The following LAMC2 variants were observed in gnomAD, a reference collection of about 807,000 sequenced individuals.
LAMC2 encodes the protein laminin subunit gamma-2.
In LAMC2, 97 loss-of-function variants were observed where a neutral mutation model predicts 140.2. The observed-to-expected ratio is 0.69, with a 90% confidence interval of 0.59 to 0.82. LAMC2 has a LOEUF of 0.82. Ranked by LOEUF, LAMC2 falls within the 40% of genes least tolerant of loss-of-function variation. The pLI, the probability that LAMC2 is intolerant of heterozygous loss-of-function variation, is 0.00. For synonymous variants in LAMC2, 513 were observed against 540.2 expected (o/e 0.95, Z 0.70); for missense variants, 1,402 against 1,476.1 (o/e 0.95, Z 0.82).
intron 1 of LAMC2, among the ~76,000 whole-genome samples, chr1:183,189,339 C>T (rs1234425772): frequency 6.6e-6 from 1 of 152,110 alleles, no homozygotes; most frequent in Non-Finnish European, 1.5e-5. Flanking sequence ...CCTATAATCC[C>T]AGCACTTTGG....
At chr1:183,234,574 T>C in intron 15 of LAMC2, 128 bp downstream of exon 15, 1 of 796,614 alleles carries the variant, frequency 1.3e-6, no homozygotes, top group East Asian at 2.7e-5. Context: ...AGCCATTCCC[T>C]ACCTTGAAAC....
chr1:183,253,978 A>C, the LAMC2 span, among the ~76,000 whole-genome samples: 55 of 151,434 alleles, frequency 3.6e-4, no homozygotes, highest in African/African-American at 1.3e-3. Context: ...TTCTTTATCT[A>C]TTCATCCATT....
downstream of LAMC2, chr1:183,249,299 A>T (rs1254518947): frequency 6.6e-6 from 1 of 152,228 alleles, no homozygotes; most frequent in Non-Finnish European, 1.5e-5. Flanking sequence ...GCCCTCCCAG[A>T]GGACCATTCC....
chr1:183,256,148 G>A, the LAMC2 span, among the ~76,000 whole-genome samples: 4 of 152,030 alleles, frequency 2.6e-5, no homozygotes, highest in African/African-American at 7.2e-5. Context: ...TGGCTCACGC[G>A]TGTAATCCCA....
At chr1:183,197,273 T>TG (rs1460764461) in intron 1 of LAMC2, among the ~76,000 whole-genome samples, 30 of 152,336 alleles carry the variant, frequency 2.0e-4, no homozygotes, top group African/African-American at 7.2e-4. Flanking sequence ...GTGAGAAAGA[T>TG]GGAGAACCTG....
At chr1:183,195,308 A>G (rs1015769665) in intron 1 of LAMC2, among the ~76,000 whole-genome samples, 2 of 152,118 alleles carry the variant, frequency 1.3e-5, no homozygotes, top group African/African-American at 4.8e-5. Context: ...GCTGTGATAT[A>G]ATGTACTATG....
chr1:183,251,383 T>A, the LAMC2 span: 1 of 152,250 alleles, frequency 6.6e-6, no homozygotes, highest in South Asian at 2.1e-4. Flanking sequence ...GGGCAACAAA[T>A]TGCTTTCTCC....
intron 2 of LAMC2, among the ~76,000 whole-genome samples, chr1:183,212,404 G>A (rs966902734): frequency 6.6e-6 from 1 of 151,940 alleles, no homozygotes; most frequent in Non-Finnish European, 1.5e-5. Flanking sequence ...TTATTTAAAA[G>A]CTCTCTTGCC....
intron 14 of LAMC2, among the ~76,000 whole-genome samples, chr1:183,233,778 T>C (rs1659866024): frequency 6.6e-6 from 1 of 151,878 alleles, no homozygotes; most frequent in Non-Finnish European, 1.5e-5. Context: ...TTATTTTACT[T>C]TGTTGTTGTT....
In LAMC2 at chr1:183,235,639, G is replaced by A. The variant is rs754131247; in HGVS notation, c.2365G>A (p.Ala789Thr). ...TRETEDYSKQ[A>T]LSLVRKALHE... ...GGAAACTGAGGACTATTCCAAACAA[G>A]CCCTCTCACTGGTGCGCAAGGCCCT... The change falls in exon 16 of 23, where the codon GCC becomes ACC. Residue 789 changes from alanine (A) to threonine (T), a missense_variant. Ala to Thr is a moderately conservative substitution (Grantham distance 58, BLOSUM62 0). Transcript: ENST00000264144. 1.9e-6 allele frequency: 3 copies of A among 1,614,104 alleles called. No individual in the cohort carries two copies. Among genetic ancestry groups the A allele is most frequent in the African/African-American group, 2.7e-5 (2 of 74,924 alleles).
intron 14 of LAMC2, among the ~76,000 whole-genome samples, chr1:183,233,874 T>C (rs1296899071): frequency 6.6e-6 from 1 of 151,778 alleles, no homozygotes; most frequent in Non-Finnish European, 1.5e-5. Context: ...CTCTTGTCTA[T>C]ACATACTTTT....
chr1:183,194,274 A>G (rs1412638058), intron 1 of LAMC2, among the ~76,000 whole-genome samples: 1 of 151,586 alleles, frequency 6.6e-6, no homozygotes, highest in East Asian at 1.9e-4. Flanking sequence ...AAAATCTGTA[A>G]GTAAGATGCT....
intron 14 of LAMC2, among the ~76,000 whole-genome samples, chr1:183,233,468 A>G (rs951502448): frequency 6.6e-6 from 1 of 152,212 alleles, no homozygotes; most frequent in Admixed American, 6.5e-5. Flanking sequence ...ATTTCTGAAT[A>G]AAGAAGGTTA....
Position 183,223,309 on chromosome 1 carries a change from A to T in LAMC2, c.938A>T (p.Lys313Met), listed in dbSNP as rs768864792. ...LGKTLPCGLT[K>M]TYTFRLNEHP... ...AAGACACTGCCTTGTGGGCTCACCA[A>T]GACTTACACATTCAGGTAAAAAGAG... The change falls in exon 7 of 23, where the codon AAG becomes ATG. Residue 313 changes from lysine (K) to methionine (M), a missense_variant. By Grantham distance (95) the Lys-to-Met change is moderately conservative (BLOSUM62 -1). Coordinates refer to ENST00000264144, the MANE Select transcript of LAMC2 (RefSeq NM_005562.3). The T allele has an allele frequency of 3.7e-5, 59 of 1,614,106 alleles. No homozygotes were observed. The highest frequency in any genetic ancestry group is 4.6e-5 in the Non-Finnish European group (54 of 1,180,046).
rs776761345 is a variant in LAMC2, at chr1:183,239,475, A to G, written c.2981A>G (p.Glu994Gly). The G allele has an allele frequency of 8.7e-6, 14 of 1,614,020 alleles. No homozygotes were observed. The highest frequency in any genetic ancestry group is 1.7e-5 in the Admixed American group (1 of 59,992). ...GCCAGTGACAAGACCCAGCAAGCAG[A>G]AAGAGCCCTGGGGAGCGCTGCTGCT... ...SDASDKTQQA[E>G]RALGSAAADA... Residue 994 changes from glutamate (E) to glycine (G), a missense_variant, in exon 20 of 23, where the codon GAA becomes GGA. Coordinates refer to ENST00000264144, the MANE Select transcript of LAMC2 (RefSeq NM_005562.3).
rs1658777191 is a variant in LAMC2 at position 183,203,225 on chromosome 1, G to T, written c.80-4656G>T. ...ATGTTGACTACAACAGGCATCAATT[G>T]CATGTGGCTGCAACTGGCAGGGGGT... On this transcript the variant is annotated intron_variant, in intron 1 of 22. Transcript: ENST00000264144. 2.6e-5 allele frequency among the ~76,000 whole-genome samples: 4 copies of T among 152,166 alleles called. No homozygotes were observed. In the South Asian group the frequency reaches 8.3e-4, roughly 31 times the overall value.
intron 12 of LAMC2, among the ~76,000 whole-genome samples, chr1:183,231,833 C>A (rs945739884): frequency 3.9e-5 from 6 of 152,216 alleles, no homozygotes; most frequent in Non-Finnish European, 5.9e-5. Context: ...AGGCACTGTT[C>A]TCTTGTCTCT....
At chr1:183,201,411 C>T (rs1658702785) in intron 1 of LAMC2, among the ~76,000 whole-genome samples, 1 of 152,142 alleles carries the variant, frequency 6.6e-6, no homozygotes, top group African/African-American at 2.4e-5. Flanking sequence ...TGAGCTTTTT[C>T]CCACCTTGGG....
intron 1 of LAMC2, among the ~76,000 whole-genome samples, chr1:183,207,466 C>T (rs1445255391): frequency 6.6e-6 from 1 of 152,204 alleles, no homozygotes; most frequent in Non-Finnish European, 1.5e-5. Flanking sequence ...TGTGCTGAGT[C>T]CGCAGCTGCC....
Sources: allele counts gnomAD v4.1 joint callset (sites outside exome capture counted in the v4.1 genomes callset), GRCh38; gene constraint gnomAD v4.1.1; transcripts MANE v1.5; gene names NCBI Gene and HGNC (gene_info 2026-07-23, HGNC 2026-07-21).